DAB1: variants seen among roughly 807,000 people sequenced by gnomAD.
DAB1 encodes the protein DAB adaptor protein 1.
DAB1 carries 15 observed loss-of-function variants against 64.6 expected under a neutral mutation model. The ratio of observed to expected loss-of-function variants is 0.23; its 90% confidence interval spans 0.16 to 0.36. The LOEUF (loss-of-function observed/expected upper bound fraction) is 0.36. DAB1 is among the 10% of genes least tolerant of loss of function. The pLI is 1.00. For synonymous variants in DAB1, 235 were observed against 251.9 expected, an observed-to-expected ratio of 0.93 and a Z score of 0.64; for missense variants, 596 against 706.7, an observed-to-expected ratio of 0.84 and a Z score of 1.78.
At chr1:57,723,005 T>C (rs564144095) in intron 6 of DAB1, among the ~76,000 whole-genome samples, 1 of 152,172 alleles carries the variant, frequency 6.6e-6, no homozygotes. Context: ...CTCCAAAAGC[T>C]TTCAATGGCT....
intron 11 of DAB1, among the ~76,000 whole-genome samples, chr1:57,016,591 C>G (rs924401887): frequency 1.4e-5 from 2 of 147,626 alleles, no homozygotes; most frequent in Non-Finnish European, 3.0e-5. Context: ...ACACTTGTCT[C>G]TAAAAAAAAA....
Position 57,144,982 on chromosome 1 carries a change from A to G in DAB1, c.207+308T>C, listed in dbSNP as rs561572939. ...CAAAATTCATAAAATGTGGGTGACA[A>G]AACAATTTGATAATTTTTTGCTTTT... is the stretch of plus-strand genomic sequence containing the variant. On this transcript the variant is annotated intron_variant, in intron 3 of 14. Coordinates refer to ENST00000371236, the MANE Select transcript of DAB1 (RefSeq NM_001365792.1). Among the ~76,000 whole-genome samples, 6 of 152,300 alleles carry G rather than the reference A, an allele frequency of 3.9e-5. No individual in the cohort carries two copies. In the East Asian group the frequency reaches 1.2e-3, roughly 29 times the overall value.
chr1:58,481,750 C>G (rs1215598254), intron 3 of DAB1, among the ~76,000 whole-genome samples: 1 of 152,094 alleles, frequency 6.6e-6, no homozygotes, highest in Non-Finnish European at 1.5e-5. Context: ...GTGCTGTTCT[C>G]ATGATAGTGA....
intron 4 of DAB1, among the ~76,000 whole-genome samples, chr1:58,298,941 T>A (rs1302921056): frequency 6.6e-6 from 1 of 152,226 alleles, no homozygotes. Context: ...CTCTCTTTTA[T>A]GTATATAAGA....
chr1:57,781,648 T>A (rs886879712), intron 6 of DAB1, among the ~76,000 whole-genome samples: 7 of 151,668 alleles, frequency 4.6e-5, no homozygotes, highest in Admixed American at 2.0e-4. Flanking sequence ...TTCCAAAGCT[T>A]CTAAATAGTT....
In DAB1 at chr1:57,499,207, C is replaced by T. The variant is rs1644262995; in HGVS notation, n.625+150385G>A. 2.0e-5 allele frequency among the ~76,000 whole-genome samples: 3 copies of T among 152,182 alleles called. No individual in the cohort carries two copies. In the South Asian group the frequency reaches 6.2e-4, roughly 32 times the overall value. On this transcript the variant is annotated intron_variant and non_coding_transcript_variant, in intron 7 of 20. Transcript: ENST00000485760. The stretch of plus-strand genomic sequence containing the variant: ...GCCAGGATGGTCTCGATCTCCTGAC[C>T]TCGTGATCCGCCTGCCTCGGCCTCC...
chr1:57,459,111 A>T (rs1047482998), intron 7 of DAB1, among the ~76,000 whole-genome samples: 3 of 152,130 alleles, frequency 2.0e-5, no homozygotes, highest in Admixed American at 6.6e-5. Flanking sequence ...ATCAAAATAA[A>T]CTATTTTACA....
At chr1:58,298,476 A>G (rs1447842146) in intron 4 of DAB1, among the ~76,000 whole-genome samples, 1 of 152,080 alleles carries the variant, frequency 6.6e-6, no homozygotes, top group African/African-American at 2.4e-5. Context: ...TCAACACTAT[A>G]CTCTTTATTG....
chr1:58,335,341 A>C (rs1177275516), intron 4 of DAB1, among the ~76,000 whole-genome samples: 1 of 152,214 alleles, frequency 6.6e-6, no homozygotes, highest in Non-Finnish European at 1.5e-5. Context: ...CTGGGGCCAA[A>C]ACCTCAGGCA....
intron 5 of DAB1, among the ~76,000 whole-genome samples, chr1:57,925,579 A>G (rs543889035): frequency 6.6e-6 from 1 of 152,348 alleles, no homozygotes; most frequent in South Asian, 2.1e-4. Flanking sequence ...GTTTCAGACT[A>G]GAAAATACAA....
At chr1:58,379,091 G>A (rs1201710220) in intron 3 of DAB1, among the ~76,000 whole-genome samples, 1 of 151,636 alleles carries the variant, frequency 6.6e-6, no homozygotes, top group Non-Finnish European at 1.5e-5. Flanking sequence ...GCACTCCCTA[G>A]TGAGATGAAC....
At chr1:57,655,216 A>G (rs1399277602) in intron 6 of DAB1, among the ~76,000 whole-genome samples, 1 of 152,010 alleles carries the variant, frequency 6.6e-6, no homozygotes, top group Non-Finnish European at 1.5e-5. Flanking sequence ...CCATCAACCA[A>G]CTATCTACAT....
chr1:58,376,599 C>G (rs1414144749), intron 3 of DAB1, among the ~76,000 whole-genome samples: 1 of 147,340 alleles, frequency 6.8e-6, no homozygotes, highest in Non-Finnish European at 1.5e-5. Flanking sequence ...TTACTTCCAA[C>G]TATGTGGTCA....
intron 7 of DAB1, among the ~76,000 whole-genome samples, chr1:57,544,612 G>A (rs1644836523): frequency 6.6e-6 from 1 of 152,104 alleles, no homozygotes; most frequent in African/African-American, 2.4e-5. Flanking sequence ...GATATGGTTT[G>A]GATGTGTGTT....
intron 7 of DAB1, among the ~76,000 whole-genome samples, chr1:57,490,560 G>A (rs1644149317): frequency 6.6e-6 from 1 of 151,994 alleles, no homozygotes; most frequent in South Asian, 2.1e-4. Flanking sequence ...ACTTCCTTAT[G>A]TGAGTGTTTT....
intron 2 of DAB1, among the ~76,000 whole-genome samples, chr1:57,169,209 T>C (rs1011319629): frequency 6.6e-6 from 1 of 152,230 alleles, no homozygotes; most frequent in African/African-American, 2.4e-5. Flanking sequence ...CTGAGTTGTC[T>C]GACAACCTTA....
intron 6 of DAB1, among the ~76,000 whole-genome samples, chr1:57,657,436 C>A (rs377757529): frequency 6.6e-6 from 1 of 152,226 alleles, no homozygotes; most frequent in South Asian, 2.1e-4. Flanking sequence ...GGATCCTGAG[C>A]TTTCTTAGCT....
rs138717253 is a variant in DAB1, at chr1:58,256,400, G to C, written n.309+86952C>G. On this transcript the variant is annotated intron_variant and non_coding_transcript_variant, in intron 4 of 20. Coordinates refer to the DAB1 transcript ENST00000485760. ...TTCCAAGGGCCAGCAGCCAGCCAGC[G>C]CAATGCCTTTATAGGCTTCTGGCAG... Among the ~76,000 whole-genome samples, 5 of 152,192 alleles carry C rather than the reference G, an allele frequency of 3.3e-5. No individual in the cohort carries two copies. The East Asian group carries it at 7.7e-4, about 23-fold the overall frequency.
chr1:58,490,912 T>C (rs1407709844), intron 3 of DAB1, among the ~76,000 whole-genome samples: 3 of 144,180 alleles, frequency 2.1e-5, no homozygotes, highest in Non-Finnish European at 3.0e-5. Context: ...TTCACACCAT[T>C]CTCCTGCCTC....
Sources: gnomAD v4.1 joint callset for allele counts (sites outside exome capture counted in the v4.1 genomes callset) on GRCh38, gnomAD v4.1.1 for gene constraint, MANE v1.5 for transcripts, NCBI Gene and HGNC (gene_info 2026-07-23, HGNC 2026-07-21) for gene names.